FAIM2: variants seen among roughly 807,000 people sequenced by gnomAD.
The protein encoded by FAIM2 is protein lifeguard 2.
A neutral mutation model predicts 47.4 loss-of-function variants in FAIM2; 27 were observed. The ratio of observed to expected loss-of-function variants is 0.57; its 90% confidence interval spans 0.42 to 0.78. FAIM2 has a LOEUF of 0.78. Among genes scored for constraint, FAIM2 ranks in the 30% least tolerant of loss-of-function variants. The pLI is 0.00. For missense variants in FAIM2, 311 were observed against 389.4 expected, an observed-to-expected ratio of 0.80 and a Z score of 1.69; for synonymous variants, 156 against 159.3, an observed-to-expected ratio of 0.98 and a Z score of 0.16.
intron 7 of FAIM2, 51 bp downstream of exon 7, chr12:49,890,632 T>C (rs1297837423): frequency 1.9e-6 from 3 of 1,565,818 alleles, no homozygotes; most frequent in South Asian, 1.1e-5. Flanking sequence ...GCTTCCCTTC[T>C]TCCTCCATCC....
chr12:49,890,046 C>T, intron 8 of FAIM2, 71 bp downstream of exon 8: 11 of 1,498,528 alleles, frequency 7.3e-6, no homozygotes, highest in Non-Finnish European at 6.5e-6. Flanking sequence ...GGCAGCTCCC[C>T]TCGGGTGTGG....
At position 49,878,960 on chromosome 12, in the gene FAIM2, ATG is replaced by A. The variant is rs1946772816; in HGVS notation, c.802-8309_802-8308del. Among the ~76,000 whole-genome samples, 2 of 130,168 alleles carry A rather than the reference ATG, an allele frequency of 1.5e-5. 1 individual carries two copies. The highest frequency in any genetic ancestry group is 5.9e-5 in the African/African-American group (2 of 34,176). The allele number at this position is 130,168 out of a possible 152,430, so 85.4% of individuals were successfully genotyped here. On this transcript the variant is annotated intron_variant, in intron 11 of 11. Coordinates refer to ENST00000320634, the MANE Select transcript of FAIM2 (RefSeq NM_012306.4). ...TGCATGTGTGTATGTTCATGTGTAT[ATG>A]TGCGTATGTGTATATGTATGCATAT...
At chr12:49,903,406 C>T (rs1946994684) in intron 1 of FAIM2, among the ~76,000 whole-genome samples, 1 of 152,164 alleles carries the variant, frequency 6.6e-6, no homozygotes, top group African/African-American at 2.4e-5. Flanking sequence ...GAGGGGGTTG[C>T]CCGATAGGCA....
intron 11 of FAIM2, among the ~76,000 whole-genome samples, chr12:49,872,601 G>T (rs564145532): frequency 1.3e-5 from 2 of 152,182 alleles, no homozygotes; most frequent in African/African-American, 2.4e-5. Context: ...TGCTCCCCCC[G>T]GCAGGCCCAA....
intron 11 of FAIM2, among the ~76,000 whole-genome samples, chr12:49,875,692 TG>T (rs1252592320): frequency 9.2e-5 from 14 of 152,206 alleles, no homozygotes; most frequent in African/African-American, 3.4e-4. Flanking sequence ...TTTTAAAAAG[TG>T]GGCCAGGTGC....
intron 10 of FAIM2, among the ~76,000 whole-genome samples, chr12:49,888,539 G>A (rs1946876972): frequency 6.6e-6 from 1 of 152,130 alleles, no homozygotes; most frequent in Admixed American, 6.5e-5. Context: ...CCACATGCAG[G>A]GGCCTGGGTG....
At chr12:49,878,048 ATGTGTATATGTGCG>A (rs1479340694) in intron 11 of FAIM2, among the ~76,000 whole-genome samples, 1 of 77,688 alleles carries the variant, frequency 1.3e-5, no homozygotes, top group Non-Finnish European at 2.3e-5. Flanking sequence ...ATGCATGTGC[ATGTGTATATGTGCG>A]TGTATGTGTG....
chr12:49,893,862 C>A (rs1592792983), intron 5 of FAIM2, among the ~76,000 whole-genome samples: 1 of 152,208 alleles, frequency 6.6e-6, no homozygotes, highest in Admixed American at 6.5e-5. Flanking sequence ...TGGTCAGCCA[C>A]CTCAGCAATA....
At position 49,896,005 on chromosome 12, in the gene FAIM2, A is replaced by T. The variant is rs1188086073; in HGVS notation, c.434+1026T>A. 2.0e-5 allele frequency among the ~76,000 whole-genome samples: 3 copies of T among 152,344 alleles called. No individual in the cohort carries two copies. In the East Asian group the frequency reaches 5.8e-4, roughly 29 times the overall value. ...GCATTCTCGCCCCACGCTTTTGCTT[A>T]AGCCACTTGTCTCCTGGGAACGCTG... On this transcript the variant is annotated intron_variant, in intron 5 of 11. Transcript: ENST00000320634.
At chr12:49,903,756 C>T (rs923500175) in intron 1 of FAIM2, 22 bp downstream of exon 1, 32 of 1,550,346 alleles carry the variant, frequency 2.1e-5, no homozygotes, top group East Asian at 4.9e-5. Flanking sequence ...GAGGATGGTG[C>T]AGGCTGGGGA....
At chr12:49,875,079 C>G (rs2137079774) in intron 11 of FAIM2, among the ~76,000 whole-genome samples, 2 of 152,236 alleles carry the variant, frequency 1.3e-5, no homozygotes, top group Middle Eastern at 3.4e-3. Context: ...GGGACACGAT[C>G]AAAGTGACAT....
intron 8 of FAIM2, 22 bp from the exon 9 acceptor site, chr12:49,889,590 G>A: frequency 1.2e-6 from 2 of 1,606,976 alleles, no homozygotes; most frequent in Non-Finnish European, 1.7e-6. Flanking sequence ...CAGGCCGAGG[G>A]GTCAGCTCTC....
chr12:49,871,726 G>C (rs1310322609), intron 11 of FAIM2, among the ~76,000 whole-genome samples: 3 of 150,952 alleles, frequency 2.0e-5, no homozygotes, highest in African/African-American at 7.3e-5. Context: ...GAGTGCAATG[G>C]CGTGATCTCA....
At chr12:49,884,489 AG>A (rs1349040439) in intron 11 of FAIM2, among the ~76,000 whole-genome samples, 1 of 152,172 alleles carries the variant, frequency 6.6e-6, no homozygotes, top group African/African-American at 2.4e-5. Context: ...TCCATTAGAG[AG>A]GGCAATACTG....
chr12:49,901,133 G>A lies in FAIM2; in HGVS notation c.208C>T (p.Pro70Ser). ...TTCCAGGAGCTGAAAGACTTACTGG[G>A]GTCCACATAGGCCCAGCTAGGGTGG... ...PLHPSWAYVD[P>S]SSSSSYDNGF... The change falls in exon 2 of 12, where the codon CCC (proline) becomes TCC (serine). Residue 70 changes from proline (P) to serine (S), a missense_variant. Transcript: ENST00000320634. 1.3e-6 allele frequency: 2 copies of A among 1,586,576 alleles called. No individual in the cohort carries two copies. Among genetic ancestry groups the A allele is most frequent in the Non-Finnish European group, 1.7e-6 (2 of 1,170,252 alleles).
chr12:49,889,163 G>A lies in FAIM2; in HGVS notation c.691C>T (p.Leu231Phe). The A allele has an allele frequency of 6.2e-7, 1 of 1,612,628 alleles. No individual in the cohort carries two copies. Among genetic ancestry groups the A allele is most frequent in the Non-Finnish European group, 8.5e-7 (1 of 1,179,442 alleles). The change falls in exon 10 of 12, where the codon CTC becomes TTC. Residue 231 changes from leucine (L) to phenylalanine (F), a missense_variant. By Grantham distance (22) the Leu-to-Phe change is conservative. Transcript: ENST00000320634. ...TSCQGVLFVL[L>F]MTLFFSGLIL... is the part of the protein sequence containing the mutation. ...AGTCCGCTGAAGAAAAGAGTCATGAGAAGCACGAAGAGCACGCCCTGGCAG... is the reference window on the plus strand; with the variant it reads ...AGTCCGCTGAAGAAAAGAGTCATGAAAAGCACGAAGAGCACGCCCTGGCAG...
At chr12:49,875,560 AC>A (rs1257705604) in intron 11 of FAIM2, among the ~76,000 whole-genome samples, 1 of 151,990 alleles carries the variant, frequency 6.6e-6, no homozygotes, top group Non-Finnish European at 1.5e-5. Context: ...CAACATTTGC[AC>A]CCCCAGGAGG....
intron 3 of FAIM2, among the ~76,000 whole-genome samples, 184 bp from the exon 4 acceptor site, chr12:49,897,767 C>T (rs1015528771): frequency 6.6e-6 from 1 of 151,868 alleles, no homozygotes; most frequent in Non-Finnish European, 1.5e-5. Context: ...CAAGCGCACC[C>T]CCCCCCAGCA....
chr12:49,897,323 C>G (rs1946944810), intron 4 of FAIM2, among the ~76,000 whole-genome samples, 196 bp downstream of exon 4: 1 of 152,178 alleles, frequency 6.6e-6, no homozygotes, highest in African/African-American at 2.4e-5. Context: ...AGAAGGCACC[C>G]AGGGTCCACC....
Sources: allele counts gnomAD v4.1 joint callset (sites outside exome capture counted in the v4.1 genomes callset), GRCh38; gene constraint gnomAD v4.1.1; transcripts MANE v1.5; gene names NCBI Gene and HGNC (gene_info 2026-07-23, HGNC 2026-07-21).